The following GXYLT2 variants were observed in gnomAD, a reference collection of about 807,000 sequenced individuals.
GXYLT2 encodes glycosyltransferase 8 domain containing 4.
A neutral mutation model predicts 45.8 loss-of-function variants in GXYLT2; 53 were observed. That is an observed-to-expected ratio of 1.16 (90% CI 0.93 to 1.46). The LOEUF is 1.46. Ranked by LOEUF, GXYLT2 falls within the 40% of genes most tolerant of loss-of-function variation. The pLI is 0.00. For synonymous variants in GXYLT2, 219 were observed against 214.2 expected (o/e 1.02, Z -0.19); for missense variants, 551 against 544.4 (o/e 1.01, Z -0.12).
chr3:72,929,306 C>G, intron 3 of GXYLT2: 2 of 1,221,234 alleles, frequency 1.6e-6, no homozygotes, highest in Non-Finnish European at 2.4e-6. Context: ...TATCAAGAAA[C>G]CAGACTGTGA....
chr3:72,935,054 G>T (rs1405439503), intron 3 of GXYLT2, among the ~76,000 whole-genome samples: 1 of 152,022 alleles, frequency 6.6e-6, no homozygotes, highest in Non-Finnish European at 1.5e-5. Context: ...CCCTCTAATA[G>T]GAAAGACAGG....
intron 5 of GXYLT2, among the ~76,000 whole-genome samples, chr3:72,964,327 C>A (rs1003968943): frequency 1.3e-5 from 2 of 150,862 alleles, no homozygotes; most frequent in East Asian, 2.0e-4. Context: ...CTTTTTTTTT[C>A]TTTTCTTTTT....
chr3:72,914,237 A>T (rs1192291205), intron 2 of GXYLT2, among the ~76,000 whole-genome samples: 18 of 152,076 alleles, frequency 1.2e-4, no homozygotes, highest in Non-Finnish European at 1.5e-5. Flanking sequence ...TATGTACAGG[A>T]TGTCTGGTGG....
chr3:72,917,008 A>C (rs1207431974), intron 2 of GXYLT2, among the ~76,000 whole-genome samples: 1 of 152,160 alleles, frequency 6.6e-6, no homozygotes, highest in Non-Finnish European at 1.5e-5. Context: ...GGAGTTACCT[A>C]CTGAGGTAAA....
chr3:72,937,983 G>A (rs1710222932), intron 3 of GXYLT2, among the ~76,000 whole-genome samples: 1 of 152,158 alleles, frequency 6.6e-6, no homozygotes, highest in South Asian at 2.1e-4. Flanking sequence ...TCTTGGCCAG[G>A]CATGGTGGTT....
At chr3:72,960,216 C>T (rs540906655) in intron 5 of GXYLT2, among the ~76,000 whole-genome samples, 9 of 152,184 alleles carry the variant, frequency 5.9e-5, no homozygotes, top group South Asian at 2.1e-4. Flanking sequence ...CCACCACACC[C>T]GGCCCTTTTC....
chr3:72,913,228 C>T (rs1418836984), intron 2 of GXYLT2, among the ~76,000 whole-genome samples: 13 of 150,668 alleles, frequency 8.6e-5, no homozygotes, highest in African/African-American at 1.5e-4. Flanking sequence ...TTAGTAGAGA[C>T]GGGGTTTCAC....
At chr3:72,972,803 T>C (rs1575821511) in intron 6 of GXYLT2, among the ~76,000 whole-genome samples, 1 of 136,152 alleles carries the variant, frequency 7.3e-6, no homozygotes, top group Admixed American at 7.6e-5. Context: ...CACATGCAGG[T>C]AGTCCCAGCT....
At position 72,930,502 on chromosome 3, in the gene GXYLT2, CAA is replaced by C. The variant is rs147116148; in HGVS notation, c.600+8180_600+8181del. 7.4e-3 allele frequency among the ~76,000 whole-genome samples: 972 copies of C among 130,496 alleles called. 9 individuals carry two copies. The highest frequency in any genetic ancestry group is 0.029 in the East Asian group (130 of 4,432). 85.6% of individuals were successfully genotyped at this position (130,496 alleles called of 152,430 possible). A position where few individuals can be genotyped will look rare whatever the true frequency, so the allele number is the denominator to read the frequency against. ...GGGTAACAGGAGTGAAACCCTGTCT[CAA>C]AAAAAAAAAAAAGATATAAATAAGC... On this transcript the variant is annotated intron_variant, in intron 3 of 6. Coordinates refer to ENST00000389617, the MANE Select transcript of GXYLT2 (RefSeq NM_001080393.2).
At chr3:72,906,337 C>T (rs539873136) in intron 1 of GXYLT2, among the ~76,000 whole-genome samples, 3 of 152,102 alleles carry the variant, frequency 2.0e-5, no homozygotes, top group African/African-American at 4.8e-5. Flanking sequence ...ACATGGCTCG[C>T]TACCTCCCCT....
At chr3:72,946,813 A>T (rs1486678401) in intron 3 of GXYLT2, among the ~76,000 whole-genome samples, 1 of 152,126 alleles carries the variant, frequency 6.6e-6, no homozygotes, top group Non-Finnish European at 1.5e-5. Flanking sequence ...TTAGAAATTT[A>T]TAGCTTTAAT....
At chr3:72,950,099 G>A (rs920266183) in intron 3 of GXYLT2, among the ~76,000 whole-genome samples, 1 of 151,980 alleles carries the variant, frequency 6.6e-6, no homozygotes, top group African/African-American at 2.4e-5. Flanking sequence ...AAGGCAGGAG[G>A]ATGACTTGAG....
rs58201266 is a variant in GXYLT2 at position 72,958,942 on chromosome 3, CT to C, written c.976+1602del. The stretch of plus-strand genomic sequence containing the variant: ...CCACGGTGCCCAGGTATTTTTTTTT[CT>C]TTTTTTTTTTTCTTAATGAGATGAA... On this transcript the variant is annotated intron_variant, in intron 5 of 6. Coordinates refer to ENST00000389617, the MANE Select transcript of GXYLT2 (RefSeq NM_001080393.2). Among the ~76,000 whole-genome samples, 247 of 138,018 alleles carry C rather than the reference CT, an allele frequency of 1.8e-3. 2 individuals are homozygous for C. Among genetic ancestry groups the C allele is most frequent in the African/African-American group, 2.6e-3 (96 of 37,458 alleles). 90.5% of individuals were successfully genotyped at this position (138,018 alleles called of 152,430 possible). A position where few individuals can be genotyped will look rare whatever the true frequency, so the allele number is the denominator to read the frequency against.
intron 3 of GXYLT2, among the ~76,000 whole-genome samples, chr3:72,937,244 T>C (rs1011096397): frequency 1.1e-4 from 16 of 152,364 alleles, no homozygotes; most frequent in African/African-American, 3.8e-4. Context: ...AAATATGCAT[T>C]GCATTTAGTA....
chr3:72,909,062 CTTTTTTT>C (rs71126804), intron 2 of GXYLT2, among the ~76,000 whole-genome samples: 8,507 of 91,086 alleles, frequency 0.093, 258 homozygotes, highest in Admixed American at 0.12. Context: ...TTCTTCCTTT[CTTTTTTT>C]TTTTTTTTTT....
chr3:72,937,121 A>C (rs1334364424), intron 3 of GXYLT2, among the ~76,000 whole-genome samples: 2 of 152,162 alleles, frequency 1.3e-5, no homozygotes, highest in Non-Finnish European at 2.9e-5. Flanking sequence ...TTGGTTAACT[A>C]TTTGACTATT....
Position 72,957,243 on chromosome 3 carries a change from A to T in GXYLT2, c.867A>T (p.Pro289=), listed in dbSNP as rs1427317470. The change falls in exon 5 of 7, where the codon CCA becomes CCT. Residue 289 remains proline (P), a synonymous_variant. Coordinates refer to ENST00000389617, the MANE Select transcript of GXYLT2 (RefSeq NM_001080393.2). ...CTTTTTTCCAGAACAGCATGATTCC[A>T]ACAGGCCTGGCTTGGGAGGACATGT... ...RSTQFKNSMI[P]TGLAWEDMLY... 2.5e-6 allele frequency: 4 copies of T among 1,612,966 alleles called. No homozygotes were observed. Among genetic ancestry groups the T allele is most frequent in the Non-Finnish European group, 2.5e-6 (3 of 1,179,482 alleles).
At chr3:72,934,818 C>G (rs910702551) in intron 3 of GXYLT2, among the ~76,000 whole-genome samples, 2 of 152,110 alleles carry the variant, frequency 1.3e-5, no homozygotes, top group Non-Finnish European at 2.9e-5. Context: ...TGTTAAGACC[C>G]CAGGCCTGTT....
chr3:72,952,613 G>A (rs978168257), intron 3 of GXYLT2, among the ~76,000 whole-genome samples: 1 of 152,122 alleles, frequency 6.6e-6, no homozygotes, highest in African/African-American at 2.4e-5. Context: ...TGGTTCTGGA[G>A]GCTGGAAGTC....
Sources: allele counts gnomAD v4.1 joint callset (sites outside exome capture counted in the v4.1 genomes callset), GRCh38; gene constraint gnomAD v4.1.1; transcripts MANE v1.5; gene names NCBI Gene and HGNC (gene_info 2026-07-23, HGNC 2026-07-21).